RIMS2: variants seen among roughly 807,000 people sequenced by gnomAD.
The protein encoded by RIMS2 is regulating synaptic membrane exocytosis 2.
In RIMS2, 59 loss-of-function variants were observed where a neutral mutation model predicts 174.4. The ratio of observed to expected loss-of-function variants is 0.34; its 90% confidence interval spans 0.27 to 0.42. The LOEUF (loss-of-function observed/expected upper bound fraction) is 0.42, where lower values mean the gene tolerates loss of function less well. RIMS2 is among the 10% of genes least tolerant of loss of function. The probability of loss-of-function intolerance (pLI) is 1.00; values close to 1 mark genes in which losing one functional copy is unlikely to be tolerated. For synonymous variants in RIMS2, 606 were observed against 572.5 expected (o/e 1.06, Z -0.84); for missense variants, 1,620 against 1,666.3 (o/e 0.97, Z 0.48).
At chr8:104,199,261 A>T (rs2099042048) in intron 19 of RIMS2, among the ~76,000 whole-genome samples, 1 of 151,696 alleles carries the variant, frequency 6.6e-6, no homozygotes, top group South Asian at 2.1e-4. Context: ...ACGGGGTTTC[A>T]CAGTGTTAGC....
chr8:104,003,862 G>A (rs55831990), intron 17 of RIMS2, among the ~76,000 whole-genome samples: 19,329 of 152,168 alleles, frequency 0.13, 1,704 homozygotes, highest in Non-Finnish European at 0.19. Context: ...GTGAATGATC[G>A]ATTTGAAGAG....
intron 3 of RIMS2, among the ~76,000 whole-genome samples, chr8:103,876,235 G>T (rs78085021): frequency 0.14 from 20,982 of 151,742 alleles, 1,646 homozygotes; most frequent in Middle Eastern, 0.24. Context: ...TATGGTTTTA[G>T]ATCATATATT....
intron 1 of RIMS2, among the ~76,000 whole-genome samples, chr8:103,572,155 C>T (rs891699480): frequency 6.6e-6 from 1 of 152,082 alleles, no homozygotes; most frequent in Non-Finnish European, 1.5e-5. Flanking sequence ...CGCTTGACTT[C>T]AGGAGTGAAG....
chr8:103,527,277 G>A (rs1292226640), intron 1 of RIMS2, among the ~76,000 whole-genome samples: 3 of 152,128 alleles, frequency 2.0e-5, no homozygotes, highest in Non-Finnish European at 4.4e-5. Flanking sequence ...TGGAGAATTG[G>A]TTCCAAGACC....
chr8:103,828,317 T>C (rs567447856), intron 3 of RIMS2, among the ~76,000 whole-genome samples: 15 of 152,332 alleles, frequency 9.8e-5, no homozygotes, highest in East Asian at 5.8e-4. Context: ...CCATCCGGAC[T>C]TAAAGTTTTC....
Position 103,518,787 on chromosome 8 carries a change from G to T in RIMS2, c.176+17725G>T, listed in dbSNP as rs143865597. Reference sequence around the variant, plus strand: ...GTGTAAAAAATTCTCACTAGCATGAGAATTCTTACCAGTGCTCACTAGCAT... The same window carrying T: ...GTGTAAAAAATTCTCACTAGCATGATAATTCTTACCAGTGCTCACTAGCAT... On this transcript the variant is annotated intron_variant, in intron 1 of 23. Transcript: ENST00000504942. Among the ~76,000 whole-genome samples the T allele has an allele frequency of 4.2e-3, 637 of 152,172 alleles. 4 individuals carry two copies. The highest frequency in any genetic ancestry group is 0.015 in the African/African-American group (608 of 41,516).
chr8:103,681,642 T>G (rs959275488), intron 1 of RIMS2, among the ~76,000 whole-genome samples: 1 of 152,088 alleles, frequency 6.6e-6, no homozygotes, highest in Non-Finnish European at 1.5e-5. Flanking sequence ...AAGAAAGGCT[T>G]TAGCAGAAAG....
chr8:104,053,561 T>C (rs1313345750), intron 19 of RIMS2, among the ~76,000 whole-genome samples: 2 of 152,210 alleles, frequency 1.3e-5, no homozygotes, highest in Non-Finnish European at 2.9e-5. Flanking sequence ...ATTTTCTCAA[T>C]CAAATTTCTT....
chr8:104,104,276 A>G (rs1326485636), intron 19 of RIMS2, among the ~76,000 whole-genome samples: 1 of 152,232 alleles, frequency 6.6e-6, no homozygotes. Flanking sequence ...GGGTTGTTGA[A>G]TAGTTCTGCA....
At chr8:103,593,763 T>G (rs2094366115) in intron 1 of RIMS2, among the ~76,000 whole-genome samples, 1 of 151,334 alleles carries the variant, frequency 6.6e-6, no homozygotes. Flanking sequence ...ATATAAACAA[T>G]ACATAACAGA....
At chr8:103,981,061 G>A in intron 16 of RIMS2, among the ~76,000 whole-genome samples, 1 of 152,180 alleles carries the variant, frequency 6.6e-6, no homozygotes, top group Non-Finnish European at 1.5e-5. Context: ...TGATTGTAGA[G>A]TCCTAGGACC....
chr8:103,900,005 G>T (rs1189301563), intron 4 of RIMS2, among the ~76,000 whole-genome samples: 2 of 151,548 alleles, frequency 1.3e-5, no homozygotes, highest in Admixed American at 1.3e-4. Flanking sequence ...GTTTTTGTCA[G>T]GTTTATCAAA....
At chr8:103,640,179 AGTT>A (rs2096196089) in intron 1 of RIMS2, among the ~76,000 whole-genome samples, 1 of 151,892 alleles carries the variant, frequency 6.6e-6, no homozygotes, top group African/African-American at 2.4e-5. Flanking sequence ...AATTTGGGAT[AGTT>A]GTTCTTACTA....
intron 3 of RIMS2, among the ~76,000 whole-genome samples, chr8:103,854,543 G>C (rs1251634924): frequency 1.3e-5 from 2 of 150,748 alleles, no homozygotes; most frequent in Non-Finnish European, 3.0e-5. Flanking sequence ...TTGTTGCCTA[G>C]TTTGTTGAGG....
intron 1 of RIMS2, among the ~76,000 whole-genome samples, chr8:103,661,824 A>C (rs1240222715): frequency 6.6e-6 from 1 of 152,180 alleles, no homozygotes; most frequent in African/African-American, 2.4e-5. Flanking sequence ...TTTTTTGAGC[A>C]TGCCTTACCA....
chr8:103,544,538 C>G (rs1013694088), intron 1 of RIMS2, among the ~76,000 whole-genome samples: 2 of 152,334 alleles, frequency 1.3e-5, no homozygotes, highest in Admixed American at 6.5e-5. Flanking sequence ...GCAGGCAACT[C>G]TACCCTCCCC....
chr8:104,237,748 TA>T (rs2099266222), intron 19 of RIMS2, among the ~76,000 whole-genome samples: 1 of 152,200 alleles, frequency 6.6e-6, no homozygotes, highest in African/African-American at 2.4e-5. Context: ...GTTTTAATTG[TA>T]AATGCAGAGC....
At chr8:104,217,917 A>C (rs1204372158) in intron 19 of RIMS2, among the ~76,000 whole-genome samples, 1 of 152,226 alleles carries the variant, frequency 6.6e-6, no homozygotes, top group Non-Finnish European at 1.5e-5. Context: ...TAAAAAATAA[A>C]GTAAAATAAT....
intron 3 of RIMS2, among the ~76,000 whole-genome samples, chr8:103,789,039 TG>T (rs2098471201): frequency 6.6e-6 from 1 of 152,198 alleles, no homozygotes; most frequent in Non-Finnish European, 1.5e-5. Context: ...ATTTTCCAGG[TG>T]CCGTCCGTCA....
Sources: gnomAD v4.1 joint callset for allele counts (sites outside exome capture counted in the v4.1 genomes callset) on GRCh38, gnomAD v4.1.1 for gene constraint, MANE v1.5 for transcripts, NCBI Gene and HGNC (gene_info 2026-07-23, HGNC 2026-07-21) for gene names.